The following CNTNAP2 variants were observed in gnomAD, a reference collection of about 807,000 sequenced individuals.
The protein encoded by CNTNAP2 is contactin associated protein 2.
Under a neutral mutation model 155.2 loss-of-function variants are expected in CNTNAP2, and 98 were observed. That is an observed-to-expected ratio of 0.63 (90% CI 0.54 to 0.75). The LOEUF (loss-of-function observed/expected upper bound fraction) is 0.75, where lower values mean the gene tolerates loss of function less well. Among genes scored for constraint, CNTNAP2 ranks in the 30% least tolerant of loss-of-function variants. The pLI is 0.00. For synonymous variants in CNTNAP2, 651 were observed against 631.2 expected, an observed-to-expected ratio of 1.03 and a Z score of -0.47; for missense variants, 1,727 against 1,688.1, an observed-to-expected ratio of 1.02 and a Z score of -0.40.
At chr7:146,179,312 C>T (rs866699694) in intron 1 of CNTNAP2, among the ~76,000 whole-genome samples, 3 of 151,876 alleles carry the variant, frequency 2.0e-5, no homozygotes, top group Non-Finnish European at 2.9e-5. Context: ...AAAATAGAAC[C>T]GTAAGGAATA....
chr7:147,292,585 A>T (rs1805338539), intron 8 of CNTNAP2, among the ~76,000 whole-genome samples: 1 of 152,012 alleles, frequency 6.6e-6, no homozygotes, highest in Admixed American at 6.6e-5. Flanking sequence ...AATTTCTCTC[A>T]CTGATGATTT....
At chr7:146,591,926 A>G (rs1166451760) in intron 1 of CNTNAP2, among the ~76,000 whole-genome samples, 2 of 152,162 alleles carry the variant, frequency 1.3e-5, no homozygotes, top group Non-Finnish European at 2.9e-5. Context: ...TCTCCTTTTC[A>G]ATATCCTTCT....
intron 1 of CNTNAP2, among the ~76,000 whole-genome samples, chr7:146,253,607 A>G (rs1487998473): frequency 2.6e-5 from 4 of 152,202 alleles, no homozygotes; most frequent in African/African-American, 9.7e-5. Context: ...AGCCAAACTG[A>G]GTTGTTGCTG....
chr7:148,185,224 T>C (rs892051758), intron 18 of CNTNAP2, among the ~76,000 whole-genome samples: 3 of 152,214 alleles, frequency 2.0e-5, no homozygotes, highest in Non-Finnish European at 2.9e-5. Context: ...TGACAGGCAG[T>C]ACTGTATTCA....
At chr7:147,988,100 G>T (rs1211011156) in intron 15 of CNTNAP2, among the ~76,000 whole-genome samples, 1 of 152,160 alleles carries the variant, frequency 6.6e-6, no homozygotes, top group Admixed American at 6.5e-5. Context: ...GGGTGGTGGG[G>T]GTAGGGGTTC....
intron 1 of CNTNAP2, among the ~76,000 whole-genome samples, chr7:146,743,244 A>G (rs1427308440): frequency 6.6e-6 from 1 of 152,182 alleles, no homozygotes; most frequent in Non-Finnish European, 1.5e-5. Flanking sequence ...CACATGTCAG[A>G]GTCCATAGGA....
At chr7:148,398,548 C>A (rs948567242) in intron 22 of CNTNAP2, among the ~76,000 whole-genome samples, 1 of 152,184 alleles carries the variant, frequency 6.6e-6, no homozygotes, top group Non-Finnish European at 1.5e-5. Context: ...CAAAGTATGG[C>A]CTTTGAATTT....
intron 1 of CNTNAP2, among the ~76,000 whole-genome samples, chr7:146,677,657 C>T (rs1800425224): frequency 6.6e-6 from 1 of 151,114 alleles, no homozygotes; most frequent in Non-Finnish European, 1.5e-5. Context: ...TGTTTAGCTC[C>T]TTGTTATAAG....
At position 147,945,428 on chromosome 7, in the gene CNTNAP2, G is replaced by A. The variant is rs142332881; in HGVS notation, c.2256-32434G>A. On this transcript the variant is annotated intron_variant, in intron 14 of 23. Coordinates refer to ENST00000361727, the MANE Select transcript of CNTNAP2 (RefSeq NM_014141.6). Reference sequence around the variant, plus strand: ...AATAATTTTTCATCTTTGTATATTCGTATCTGAATTATCCATCATTTGCAG... The same window carrying A: ...AATAATTTTTCATCTTTGTATATTCATATCTGAATTATCCATCATTTGCAG... Among the ~76,000 whole-genome samples, 16 of 152,076 alleles carry A rather than the reference G, an allele frequency of 1.1e-4. No individual in the cohort carries two copies. In the East Asian group the frequency reaches 1.9e-3, roughly 18 times the overall value.
intron 1 of CNTNAP2, among the ~76,000 whole-genome samples, chr7:146,308,543 G>A (rs1464762344): frequency 6.6e-6 from 1 of 151,428 alleles, no homozygotes; most frequent in Non-Finnish European, 1.5e-5. Context: ...GTTTATTGCG[G>A]CACTATTCAC....
rs112692568 is a variant in CNTNAP2 at position 146,339,823 on chromosome 7, T to TA, written c.97+222858dup. Among the ~76,000 whole-genome samples, 119 of 151,794 alleles carry TA rather than the reference T, an allele frequency of 7.8e-4. 3 individuals carry two copies. In the East Asian group the frequency reaches 0.018, roughly 22 times the overall value. On this transcript the variant is annotated intron_variant, in intron 1 of 23. Transcript: ENST00000361727. ...GCAATGGTCCATTTGTCAGTCTAAT[T>TA]AAAAAAAACCACAAAACACCCTCCT...
chr7:146,694,228 G>A (rs191574172), intron 1 of CNTNAP2, among the ~76,000 whole-genome samples: 1 of 152,258 alleles, frequency 6.6e-6, no homozygotes, highest in East Asian at 1.9e-4. Flanking sequence ...AATAGACAAA[G>A]GGCTAAATAG....
intron 12 of CNTNAP2, among the ~76,000 whole-genome samples, chr7:147,636,503 G>A (rs1239582753): frequency 6.6e-6 from 1 of 152,046 alleles, no homozygotes; most frequent in Non-Finnish European, 1.5e-5. Context: ...ATATACATGT[G>A]CCATGGTGGT....
At chr7:147,576,908 T>A (rs1444220958) in intron 12 of CNTNAP2, among the ~76,000 whole-genome samples, 8 of 152,058 alleles carry the variant, frequency 5.3e-5, no homozygotes, top group Admixed American at 3.3e-4. Context: ...TGACCAGCCT[T>A]ACACCAACCC....
At chr7:147,490,029 G>A (rs1798578197) in intron 11 of CNTNAP2, among the ~76,000 whole-genome samples, 1 of 152,166 alleles carries the variant, frequency 6.6e-6, no homozygotes, top group Non-Finnish European at 1.5e-5. Context: ...AGAGGTTAAA[G>A]GATAGTATTT....
chr7:148,256,489 C>A (rs1345541754), intron 20 of CNTNAP2, among the ~76,000 whole-genome samples: 1 of 152,124 alleles, frequency 6.6e-6, no homozygotes, highest in Non-Finnish European at 1.5e-5. Flanking sequence ...CATTCTCATC[C>A]CCCCAGGCCA....
At chr7:147,745,960 T>C (rs1797035286) in intron 13 of CNTNAP2, among the ~76,000 whole-genome samples, 1 of 152,222 alleles carries the variant, frequency 6.6e-6, no homozygotes, top group Admixed American at 6.5e-5. Flanking sequence ...GAACTTCTTT[T>C]TCATGGGGTG....
chr7:147,474,388 A>G (rs1013965381), intron 10 of CNTNAP2, among the ~76,000 whole-genome samples: 64 of 152,312 alleles, frequency 4.2e-4, no homozygotes, highest in African/African-American at 1.5e-3. Context: ...GAGGTCAAGG[A>G]GTTCAAGACC....
intron 4 of CNTNAP2, among the ~76,000 whole-genome samples, chr7:147,083,787 A>ATATATACATATACACATGCATGTACATAT (rs1800198519): frequency 9.8e-6 from 1 of 102,452 alleles, no homozygotes; most frequent in Admixed American, 1.1e-4. Flanking sequence ...TGTATATATT[A>ATATATACATATACACATGCATGTACATAT]TATATACATA....
Sources: allele counts gnomAD v4.1 joint callset (sites outside exome capture counted in the v4.1 genomes callset), GRCh38; gene constraint gnomAD v4.1.1; transcripts MANE v1.5; gene names NCBI Gene and HGNC (gene_info 2026-07-23, HGNC 2026-07-21).